The following GPC5 variants were observed in gnomAD, a reference collection of about 807,000 sequenced individuals.
GPC5 encodes glypican 5.
GPC5 carries 47 observed loss-of-function variants against 53.9 expected under a neutral mutation model. That is an observed-to-expected ratio of 0.87 (90% CI 0.69 to 1.11). The LOEUF (loss-of-function observed/expected upper bound fraction) is 1.11, where lower values mean the gene tolerates loss of function less well. GPC5 is among the 50% of genes most tolerant of loss of function. GPC5 has a pLI of 0.00. For synonymous variants in GPC5, 286 were observed against 263.3 expected (o/e 1.09, Z -0.84); for missense variants, 748 against 713.1 (o/e 1.05, Z -0.56).
chr13:91,666,661 T>A (rs1278139017), intron 2 of GPC5, among the ~76,000 whole-genome samples: 2 of 152,182 alleles, frequency 1.3e-5, no homozygotes, highest in African/African-American at 4.8e-5. Flanking sequence ...TTTTAAATAG[T>A]TTTTAAAAGT....
chr13:92,061,825 T>G (rs568912707), intron 6 of GPC5, among the ~76,000 whole-genome samples: 1 of 152,142 alleles, frequency 6.6e-6, no homozygotes, highest in South Asian at 2.1e-4. Context: ...CAAATAAGTC[T>G]GTGGGCCTCA....
At chr13:91,593,008 G>A (rs2032860672) in intron 2 of GPC5, among the ~76,000 whole-genome samples, 1 of 152,202 alleles carries the variant, frequency 6.6e-6, no homozygotes. Flanking sequence ...TGTTCACAAA[G>A]GTTCCTAGTT....
At chr13:91,881,210 A>G (rs1280577454) in intron 5 of GPC5, among the ~76,000 whole-genome samples, 1 of 152,114 alleles carries the variant, frequency 6.6e-6, no homozygotes, top group Non-Finnish European at 1.5e-5. Flanking sequence ...CTCATTTTTT[A>G]AATTTAAATC....
At chr13:92,592,552 G>T (rs1185987794) in intron 7 of GPC5, among the ~76,000 whole-genome samples, 1 of 151,264 alleles carries the variant, frequency 6.6e-6, no homozygotes, top group Non-Finnish European at 1.5e-5. Context: ...ATTCAAGAAA[G>T]AGAAATAGAA....
chr13:92,705,308 T>G (rs1887912069), intron 7 of GPC5, among the ~76,000 whole-genome samples: 1 of 152,142 alleles, frequency 6.6e-6, no homozygotes, highest in African/African-American at 2.4e-5. Context: ...ACAATTCATT[T>G]TACTTCGTTT....
At chr13:92,648,343 A>G (rs1053997539) in intron 7 of GPC5, among the ~76,000 whole-genome samples, 1 of 152,068 alleles carries the variant, frequency 6.6e-6, no homozygotes, top group Non-Finnish European at 1.5e-5. Context: ...TTTTGGAGTT[A>G]TTTTAAGATA....
chr13:92,607,665 T>TTA (rs562293811), intron 7 of GPC5, among the ~76,000 whole-genome samples: 19 of 152,286 alleles, frequency 1.2e-4, no homozygotes, highest in Admixed American at 7.2e-4. Context: ...ATAAATAAAA[T>TTA]TATATATATT....
chr13:92,715,264 G>C (rs1888290892), intron 7 of GPC5, among the ~76,000 whole-genome samples: 1 of 152,098 alleles, frequency 6.6e-6, no homozygotes, highest in African/African-American at 2.4e-5. Context: ...CATGTTTCTT[G>C]TTCAGATGAG....
intron 7 of GPC5, among the ~76,000 whole-genome samples, chr13:92,518,307 C>T (rs1880877035): frequency 6.6e-6 from 1 of 152,092 alleles, no homozygotes; most frequent in Non-Finnish European, 1.5e-5. Context: ...AGAAGAGCAA[C>T]TCCAAGACAC....
At chr13:91,778,594 G>A (rs2037748732) in intron 5 of GPC5, among the ~76,000 whole-genome samples, 6 of 152,144 alleles carry the variant, frequency 3.9e-5, no homozygotes, top group Admixed American at 3.9e-4. Context: ...AAAATTCTCA[G>A]GTGGCTCCCT....
chr13:92,147,685 A>G (rs538029671), intron 7 of GPC5, among the ~76,000 whole-genome samples: 4 of 152,162 alleles, frequency 2.6e-5, no homozygotes, highest in African/African-American at 7.2e-5. Flanking sequence ...TTTAAGAGAG[A>G]TGATTTTTCA....
intron 7 of GPC5, among the ~76,000 whole-genome samples, chr13:92,669,810 A>G (rs1329480121): frequency 6.6e-6 from 1 of 152,040 alleles, no homozygotes; most frequent in Non-Finnish European, 1.5e-5. Flanking sequence ...CAAGGCACCT[A>G]CTCAGGAGTC....
chr13:92,065,056 A>G (rs1425771657), intron 6 of GPC5, among the ~76,000 whole-genome samples: 1 of 152,184 alleles, frequency 6.6e-6, no homozygotes, highest in Non-Finnish European at 1.5e-5. Context: ...AAGCTCTCAG[A>G]TCAGTGTTCT....
At chr13:92,623,495 A>G (rs1238603952) in intron 7 of GPC5, among the ~76,000 whole-genome samples, 1 of 152,220 alleles carries the variant, frequency 6.6e-6, no homozygotes, top group Non-Finnish European at 1.5e-5. Flanking sequence ...TTTAAAATCA[A>G]AAGTGATTTT....
chr13:91,447,111 G>A (rs914913170), intron 1 of GPC5, among the ~76,000 whole-genome samples: 12 of 152,296 alleles, frequency 7.9e-5, no homozygotes, highest in Admixed American at 4.6e-4. Context: ...TTTAGGAATT[G>A]GTCTAACACA....
chr13:91,601,708 T>C (rs2033187699), intron 2 of GPC5, among the ~76,000 whole-genome samples: 1 of 152,166 alleles, frequency 6.6e-6, no homozygotes, highest in African/African-American at 2.4e-5. Context: ...CTGTCTCCCA[T>C]CACCCCCAGA....
At chr13:92,702,932 A>G (rs950206808) in intron 7 of GPC5, among the ~76,000 whole-genome samples, 3 of 151,742 alleles carry the variant, frequency 2.0e-5, no homozygotes, top group African/African-American at 4.8e-5. Context: ...AGATATTCAC[A>G]CTGGCTGCTT....
chr13:91,496,508 G>C (rs1018428580), intron 2 of GPC5, among the ~76,000 whole-genome samples: 2 of 152,186 alleles, frequency 1.3e-5, no homozygotes, highest in African/African-American at 4.8e-5. Flanking sequence ...ATTATGTTAA[G>C]TGAAATAAGC....
chr13:92,206,165 T>A (rs1476468155), intron 7 of GPC5, among the ~76,000 whole-genome samples: 15 of 64,790 alleles, frequency 2.3e-4, no homozygotes, highest in African/African-American at 3.1e-4. Flanking sequence ...ATTTTTTTTT[T>A]TATTTTTTTT....
Sources: allele counts gnomAD v4.1 joint callset (sites outside exome capture counted in the v4.1 genomes callset), GRCh38; gene constraint gnomAD v4.1.1; transcripts MANE v1.5; gene names NCBI Gene and HGNC (gene_info 2026-07-23, HGNC 2026-07-21).